ABCA12: variants seen among roughly 807,000 people sequenced by gnomAD.
The protein encoded by ABCA12 is ATP binding cassette subfamily A member 12.
ABCA12 carries 156 observed loss-of-function variants against 293.5 expected under a neutral mutation model. The ratio of observed to expected loss-of-function variants is 0.53; its 90% confidence interval spans 0.47 to 0.61. The LOEUF is 0.61. Among genes scored for constraint, ABCA12 ranks in the 20% least tolerant of loss-of-function variants. The pLI is 0.00. For synonymous variants in ABCA12, 1,063 were observed against 1,108.0 expected (o/e 0.96, Z 0.81); for missense variants, 2,797 against 3,090.2 (o/e 0.91, Z 2.25).
At chr2:215,070,310 G>T (rs777421982) in intron 2 of ABCA12, among the ~76,000 whole-genome samples, 2 of 152,162 alleles carry the variant, frequency 1.3e-5, no homozygotes, top group East Asian at 1.9e-4. Context: ...GGCAGGTATT[G>T]TGTGCTTGGC....
At chr2:215,057,749 G>T (rs942182582) in intron 3 of ABCA12, among the ~76,000 whole-genome samples, 2 of 152,108 alleles carry the variant, frequency 1.3e-5, no homozygotes, top group African/African-American at 4.8e-5. Context: ...TGATAATGAG[G>T]AACATTACTT....
rs962735890 is a variant in ABCA12, at chr2:214,958,364, C to G, written c.6030G>C (p.Arg2010Ser). The G allele has an allele frequency of 1.9e-6, 3 of 1,613,974 alleles. No homozygotes were observed. The highest frequency in any genetic ancestry group is 1.7e-5 in the Admixed American group (1 of 59,988). The change falls in exon 41 of 53, where the codon AGG becomes AGC. Residue 2010 changes from arginine to serine, a missense_variant. Transcript: ENST00000272895. Reference protein sequence around the residue: ...TTASFVTYVVREHQTKAKQLQ... With the variant: ...TTASFVTYVVSEHQTKAKQLQ... ...ACTGTTTGGCTTTGGTTTGATGTTC[C>G]CTTACAACATAGGTGACAAAGCTGG...
At chr2:214,988,379 A>G (rs183239862) in intron 26 of ABCA12, among the ~76,000 whole-genome samples, 10 of 152,318 alleles carry the variant, frequency 6.6e-5, no homozygotes, top group African/African-American at 1.7e-4. Flanking sequence ...GAACATTTCT[A>G]TAACTCAAAA....
intron 2 of ABCA12, among the ~76,000 whole-genome samples, chr2:215,064,464 C>A (rs1701600039): frequency 6.6e-6 from 1 of 151,894 alleles, no homozygotes; most frequent in South Asian, 2.1e-4. Flanking sequence ...GCCTGGTTAC[C>A]CCATGAATTC....
At chr2:215,034,672 G>T (rs1031761360) in intron 8 of ABCA12, among the ~76,000 whole-genome samples, 19 of 152,164 alleles carry the variant, frequency 1.2e-4, no homozygotes, top group African/African-American at 4.6e-4. Context: ...TCTCAGTTTG[G>T]CCACTTACTG....
intron 35 of ABCA12, among the ~76,000 whole-genome samples, chr2:214,974,444 G>C (rs770445042): frequency 1.8e-4 from 28 of 152,038 alleles, no homozygotes; most frequent in Non-Finnish European, 2.6e-4. Flanking sequence ...GTGCAAATGA[G>C]AACTGGAGTC....
chr2:215,050,830 G>T (rs1701305675), intron 5 of ABCA12: 1 of 984,984 alleles, frequency 1.0e-6, no homozygotes, highest in Admixed American at 6.2e-5. Context: ...TGCAAGTGTT[G>T]CAGAAAGCAG....
Position 215,034,364 on chromosome 2 carries a change from G to C in ABCA12, c.986-2468C>G, listed in dbSNP as rs532706259. Among the ~76,000 whole-genome samples, 27 of 152,318 alleles carry C rather than the reference G, an allele frequency of 1.8e-4. No homozygotes were observed. In the South Asian group the frequency reaches 5.6e-3, roughly 32 times the overall value. ...TCTTGAAGTGTGCTCATACGTCAGG[G>C]TGGATCAGAGATAAACATGGTGTGA... On this transcript the variant is annotated intron_variant, in intron 8 of 52. Coordinates refer to ENST00000272895, the MANE Select transcript of ABCA12 (RefSeq NM_173076.3).
intron 2 of ABCA12, among the ~76,000 whole-genome samples, chr2:215,091,115 C>T (rs1702132716): frequency 6.6e-6 from 1 of 152,006 alleles, no homozygotes; most frequent in Non-Finnish European, 1.5e-5. Context: ...CCCAATGCAC[C>T]TCATCCCAAA....
chr2:215,138,032 G>GA (rs1703268852), intron 1 of ABCA12, 108 bp downstream of exon 1: 1 of 1,147,744 alleles, frequency 8.7e-7, no homozygotes. Flanking sequence ...TCCTGCTTTG[G>GA]AAAATGCCTT....
chr2:215,129,388 G>A (rs918814175), intron 1 of ABCA12, among the ~76,000 whole-genome samples: 5 of 152,104 alleles, frequency 3.3e-5, no homozygotes, highest in African/African-American at 4.8e-5. Flanking sequence ...GAGTTGCCGC[G>A]GGCTCCACTC....
intron 18 of ABCA12, among the ~76,000 whole-genome samples, chr2:215,008,095 C>T (rs1246305496): frequency 6.6e-6 from 1 of 152,056 alleles, no homozygotes; most frequent in Non-Finnish European, 1.5e-5. Context: ...AGTTTATAGC[C>T]AAAATGAAAG....
intron 2 of ABCA12, among the ~76,000 whole-genome samples, chr2:215,071,878 C>T (rs1329235188): frequency 6.6e-6 from 1 of 152,212 alleles, no homozygotes; most frequent in Non-Finnish European, 1.5e-5. Context: ...TGATGATGCA[C>T]TTCTCTTCCT....
chr2:215,007,822 C>T lies in ABCA12; in HGVS notation c.2497G>A (p.Ala833Thr). 6.2e-7 allele frequency: 1 copy of T among 1,613,986 alleles called. No individual in the cohort carries two copies. Among genetic ancestry groups the T allele is most frequent in the Non-Finnish European group, 8.5e-7 (1 of 1,179,938 alleles). ...TCTTGAGATTTTTCTCTTAATTCCG[C>T]CAGCTGTCTCAGAGTTACATTGGAC... The part of the protein sequence containing the change: ...EKSNVTLRQL[A>T]ELREKSQEWM... The change falls in exon 19 of 53, where the codon GCG (alanine) becomes ACG (threonine). Residue 833 changes from alanine (A) to threonine (T), a missense_variant. Ala to Thr is a moderately conservative substitution (Grantham distance 58, BLOSUM62 0). Transcript: ENST00000272895.
chr2:214,942,534 A>G (rs1192737004), intron 50 of ABCA12, among the ~76,000 whole-genome samples: 1 of 152,192 alleles, frequency 6.6e-6, no homozygotes, highest in Non-Finnish European at 1.5e-5. Flanking sequence ...CAAATGGCAA[A>G]TGAACATGCT....
chr2:215,008,358 A>T (rs965778343), intron 18 of ABCA12, among the ~76,000 whole-genome samples: 1 of 152,164 alleles, frequency 6.6e-6, no homozygotes, highest in Non-Finnish European at 1.5e-5. Flanking sequence ...CCGATACACA[A>T]GAATATTTAT....
At chr2:215,137,779 C>G (rs141083814) in intron 1 of ABCA12, among the ~76,000 whole-genome samples, 18 of 152,226 alleles carry the variant, frequency 1.2e-4, no homozygotes, top group Admixed American at 1.2e-3. Flanking sequence ...TCAAATAATA[C>G]TTTTCTTTCC....
rs548433469 is a variant in ABCA12 at position 215,116,012 on chromosome 2, G to T, written c.70-4322C>A. On this transcript the variant is annotated intron_variant, in intron 1 of 52. Transcript: ENST00000272895. ...AAAGTAGAAATATCCCCCATTAGGG[G>T]AGTCAGGCTTCTCACTGTCCTTCAA... Among the ~76,000 whole-genome samples, 103 of 152,308 alleles carry T rather than the reference G, an allele frequency of 6.8e-4. 3 individuals are homozygous for T. In the South Asian group the frequency reaches 0.021, roughly 31 times the overall value.
chr2:214,953,587 C>T (rs1698847406), intron 44 of ABCA12, among the ~76,000 whole-genome samples: 1 of 152,230 alleles, frequency 6.6e-6, no homozygotes, highest in African/African-American at 2.4e-5. Context: ...CACTTCACCA[C>T]TGTACCTTAA....
Sources: allele counts gnomAD v4.1 joint callset (sites outside exome capture counted in the v4.1 genomes callset), GRCh38; gene constraint gnomAD v4.1.1; transcripts MANE v1.5; gene names NCBI Gene and HGNC (gene_info 2026-07-23, HGNC 2026-07-21).